Variants in MYO16 observed in about 807,000 individuals in gnomAD.
The protein encoded by MYO16 is unconventional myosin-XVI.
Under a neutral mutation model 205.3 loss-of-function variants are expected in MYO16, and 94 were observed. That is an observed-to-expected ratio of 0.46 (90% confidence interval 0.39 to 0.54). The LOEUF is 0.54. Ranked by LOEUF, MYO16 falls within the 20% of genes least tolerant of loss-of-function variation. MYO16 has a pLI of 0.00. For synonymous variants in MYO16, 988 were observed against 954.0 expected (o/e 1.04, Z -0.66); for missense variants, 2,315 against 2,387.5 (o/e 0.97, Z 0.63).
At chr13:108,987,107 G>C (rs1884667552) in intron 20 of MYO16, among the ~76,000 whole-genome samples, 1 of 152,192 alleles carries the variant, frequency 6.6e-6, no homozygotes, top group African/African-American at 2.4e-5. Flanking sequence ...CTCGCAAGGG[G>C]TCCGCAGTTC....
chr13:108,554,713 G>C, the MYO16 span, among the ~76,000 whole-genome samples: 1 of 152,002 alleles, frequency 6.6e-6, no homozygotes, highest in South Asian at 2.1e-4. Context: ...AGCCAGGAGT[G>C]GTGGCGGGCG....
At chr13:109,165,141 T>C in intron 33 of MYO16, 82 bp downstream of exon 33, 1 of 1,121,018 alleles carries the variant, frequency 8.9e-7, no homozygotes, top group East Asian at 2.6e-5. Flanking sequence ...ATTTAAAATA[T>C]GAAAATGAAG....
chr13:108,712,137 C>T (rs988691523), intron 2 of MYO16, among the ~76,000 whole-genome samples: 27 of 152,156 alleles, frequency 1.8e-4, no homozygotes, highest in African/African-American at 6.0e-4. Flanking sequence ...ATGTATTTGA[C>T]TTAACTAATT....
chr13:108,951,125 A>T (rs577966981), intron 16 of MYO16, among the ~76,000 whole-genome samples: 1 of 151,886 alleles, frequency 6.6e-6, no homozygotes, highest in African/African-American at 2.4e-5. Flanking sequence ...ATACTTTTTG[A>T]TATTTAGAAA....
the MYO16 span, among the ~76,000 whole-genome samples, chr13:108,587,995 A>G: frequency 6.7e-6 from 1 of 149,686 alleles, no homozygotes; most frequent in South Asian, 2.1e-4. Context: ...AGTTTACTGC[A>G]GAGTATCTGG....
intron 34 of MYO16, among the ~76,000 whole-genome samples, chr13:109,190,577 G>A (rs2139943114): frequency 6.6e-6 from 1 of 152,316 alleles, no homozygotes; most frequent in African/African-American, 2.4e-5. Context: ...GAAGCTGACT[G>A]ATATATTATT....
chr13:108,723,801 T>C (rs1884246163), intron 3 of MYO16, among the ~76,000 whole-genome samples: 1 of 152,186 alleles, frequency 6.6e-6, no homozygotes, highest in Non-Finnish European at 1.5e-5. Flanking sequence ...TGGGCAATTT[T>C]AGGTCCTTTG....
At chr13:109,150,155 T>C (rs779523780) in intron 32 of MYO16, among the ~76,000 whole-genome samples, 5 of 152,114 alleles carry the variant, frequency 3.3e-5, no homozygotes, top group Non-Finnish European at 7.3e-5. Flanking sequence ...GCGACCATGA[T>C]TGGAACAGGG....
intron 28 of MYO16, among the ~76,000 whole-genome samples, chr13:109,102,968 G>C (rs1315076571): frequency 6.6e-6 from 1 of 152,134 alleles, no homozygotes; most frequent in South Asian, 2.1e-4. Context: ...CATTCACTGA[G>C]TATATTTGCT....
At chr13:108,735,395 A>C (rs187950434) in intron 4 of MYO16, among the ~76,000 whole-genome samples, 26 of 151,984 alleles carry the variant, frequency 1.7e-4, no homozygotes, top group Non-Finnish European at 3.5e-4. Flanking sequence ...ATTTGCTCAG[A>C]ATGATCATTT....
At chr13:108,571,085 A>G in the MYO16 span, among the ~76,000 whole-genome samples, 1 of 151,258 alleles carries the variant, frequency 6.6e-6, no homozygotes. Context: ...TTACAGAAGA[A>G]AAAGAAAAAA....
At chr13:108,874,354 C>T (rs1879220537) in intron 12 of MYO16, among the ~76,000 whole-genome samples, 1 of 151,916 alleles carries the variant, frequency 6.6e-6, no homozygotes, top group South Asian at 2.1e-4. Context: ...ATACGCCATG[C>T]AATTTGATAT....
chr13:109,023,632 AAT>A (rs1260826571), intron 23 of MYO16, among the ~76,000 whole-genome samples: 24 of 100,326 alleles, frequency 2.4e-4, no homozygotes, highest in African/African-American at 4.5e-4. Context: ...TATATAGACA[AAT>A]ATATATACAA....
At chr13:108,848,449 C>G (rs951066940) in intron 10 of MYO16, among the ~76,000 whole-genome samples, 6 of 152,120 alleles carry the variant, frequency 3.9e-5, no homozygotes, top group Non-Finnish European at 8.8e-5. Flanking sequence ...TTTCTGCTTT[C>G]ACTACATAAC....
At chr13:109,174,537 A>G (rs1189960072) in intron 33 of MYO16, among the ~76,000 whole-genome samples, 4 of 152,180 alleles carry the variant, frequency 2.6e-5, no homozygotes, top group Non-Finnish European at 5.9e-5. Flanking sequence ...GTCCAATTTC[A>G]TGGAAATCAA....
At chr13:109,092,363 A>G (rs1888650270) in intron 27 of MYO16, among the ~76,000 whole-genome samples, 1 of 152,350 alleles carries the variant, frequency 6.6e-6, no homozygotes, top group Non-Finnish European at 1.5e-5. Flanking sequence ...TGGATAAAGA[A>G]AATGTGGTAC....
intron 34 of MYO16, among the ~76,000 whole-genome samples, chr13:109,189,351 G>A (rs1395295277): frequency 6.6e-6 from 1 of 152,138 alleles, no homozygotes; most frequent in Non-Finnish European, 1.5e-5. Context: ...ATCCAACCAA[G>A]TTGACACTCA....
the MYO16 span, among the ~76,000 whole-genome samples, chr13:108,539,487 C>A: frequency 6.6e-6 from 1 of 152,074 alleles, no homozygotes; most frequent in East Asian, 1.9e-4. Context: ...TCTAGGAAAC[C>A]AGGAGAAGAA....
chr13:108,726,364 T>G (rs1382358765), intron 3 of MYO16, among the ~76,000 whole-genome samples: 1 of 151,744 alleles, frequency 6.6e-6, no homozygotes, highest in African/African-American at 2.4e-5. Context: ...ATTGAGACCA[T>G]CCTGGCCAAC....
Sources: allele counts gnomAD v4.1 joint callset (sites outside exome capture counted in the v4.1 genomes callset), GRCh38; gene constraint gnomAD v4.1.1; transcripts MANE v1.5; gene names NCBI Gene and HGNC (gene_info 2026-07-23, HGNC 2026-07-21).